KANK1: variants seen among roughly 807,000 people sequenced by gnomAD.
KANK1 encodes the protein KN motif and ankyrin repeat domains 1, also known as KN motif and ankyrin repeat domain-containing protein 1.
KANK1 carries 109 observed loss-of-function variants against 106.2 expected under a neutral mutation model. The ratio of observed to expected loss-of-function variants is 1.03; its 90% CI spans 0.88 to 1.20. KANK1 has a LOEUF of 1.20. KANK1 is among the 50% of genes most tolerant of loss of function. The pLI, the probability that KANK1 is intolerant of heterozygous loss-of-function variation, is 0.00. For missense variants in KANK1, 2,399 were observed against 1,710.7 expected (o/e 1.40, Z -7.10); for synonymous variants, 873 against 652.2 (o/e 1.34, Z -5.16).
intron 1 of KANK1, among the ~76,000 whole-genome samples, chr9:648,622 A>G (rs545777889): frequency 6.6e-6 from 1 of 152,338 alleles, no homozygotes; most frequent in East Asian, 1.9e-4. Flanking sequence ...GGGGAAGAGC[A>G]ACATGATAGT....
At chr9:512,442 T>TC (rs1308017208) in intron 1 of KANK1, among the ~76,000 whole-genome samples, 11 of 152,032 alleles carry the variant, frequency 7.2e-5, no homozygotes, top group African/African-American at 2.4e-4. Context: ...GTTCATACCT[T>TC]TAGTTGTTTG....
chr9:648,149 A>G (rs550824756), intron 1 of KANK1, among the ~76,000 whole-genome samples: 1 of 148,686 alleles, frequency 6.7e-6, no homozygotes, highest in Admixed American at 6.6e-5. Flanking sequence ...GACCACAGGC[A>G]CACACCACCA....
chr9:560,870 G>A (rs939904083), intron 1 of KANK1, among the ~76,000 whole-genome samples: 12 of 152,156 alleles, frequency 7.9e-5, no homozygotes, highest in Non-Finnish European at 1.6e-4. Context: ...AGAGTCGGGG[G>A]AAAGTTGCAT....
intron 1 of KANK1, among the ~76,000 whole-genome samples, chr9:521,222 C>G (rs935489574): frequency 3.3e-5 from 5 of 151,772 alleles, no homozygotes; most frequent in African/African-American, 1.2e-4. Flanking sequence ...TATTCACCAT[C>G]TACATGTTGA....
chr9:544,618 G>A lies in KANK1; in HGVS notation c.-84+39864G>A, dbSNP rs976507718. 5.9e-5 allele frequency among the ~76,000 whole-genome samples: 9 copies of A among 152,126 alleles called. No homozygotes were observed. The South Asian group carries it at 6.2e-4, about 11-fold the overall frequency. On this transcript the variant is annotated intron_variant, in intron 1 of 11. Coordinates refer to ENST00000382297, the MANE Select transcript of KANK1 (RefSeq NM_015158.5). ...AACCAGACAGATATGCAGAGTAAGC[G>A]CTCTGATAGGGGAAGTACGGGCTGT...
chr9:611,780 G>A (rs1219592381), intron 1 of KANK1, among the ~76,000 whole-genome samples: 1 of 152,102 alleles, frequency 6.6e-6, no homozygotes, highest in African/African-American at 2.4e-5. Flanking sequence ...GTGCAGCGGT[G>A]CAGTCTCAGC....
chr9:665,707 A>G (rs1480166493), intron 1 of KANK1, among the ~76,000 whole-genome samples: 1 of 152,162 alleles, frequency 6.6e-6, no homozygotes, highest in African/African-American at 2.4e-5. Flanking sequence ...TATTGTTGGT[A>G]TTTTGATAGG....
intron 2 of KANK1, among the ~76,000 whole-genome samples, chr9:679,529 C>T (rs1050423719): frequency 6.6e-6 from 1 of 152,120 alleles, no homozygotes; most frequent in Non-Finnish European, 1.5e-5. Context: ...ATTCTTGTGC[C>T]TCAGCCTCCC....
At chr9:580,686 C>G (rs1242232943) in intron 1 of KANK1, among the ~76,000 whole-genome samples, 1 of 152,268 alleles carries the variant, frequency 6.6e-6, no homozygotes, top group Non-Finnish European at 1.5e-5. Context: ...GCCCACTAGA[C>G]TCAGGAGTCC....
chr9:601,661 C>G (rs1461901429), intron 1 of KANK1, among the ~76,000 whole-genome samples: 1 of 151,764 alleles, frequency 6.6e-6, no homozygotes, highest in Non-Finnish European at 1.5e-5. Context: ...GGTTATAACC[C>G]AATATTATCA....
chr9:710,067 A>G lies in KANK1; in HGVS notation c.38-737A>G, dbSNP rs181016258. ...TTTTAGACTACAAAAGTGGGGAAAG[A>G]GGGGAGTGAGGGTTGAAAAATTACC... On this transcript the variant is annotated intron_variant, in intron 2 of 11. Coordinates refer to ENST00000382297, the MANE Select transcript of KANK1 (RefSeq NM_015158.5). 2.4e-4 allele frequency among the ~76,000 whole-genome samples: 37 copies of G among 152,296 alleles called. No homozygotes were observed. The East Asian group carries it at 4.4e-3, about 18-fold the overall frequency.
At chr9:580,377 GT>G in intron 1 of KANK1, among the ~76,000 whole-genome samples, 1 of 152,180 alleles carries the variant, frequency 6.6e-6, no homozygotes, top group Non-Finnish European at 1.5e-5. Context: ...CTTCCACACT[GT>G]GGGAGGGGAC....
At position 740,882 on chromosome 9, in the gene KANK1, G is replaced by T. The variant is rs780088270; in HGVS notation, c.3644G>T (p.Arg1215Leu). 6.2e-7 allele frequency: 1 copy of T among 1,614,156 alleles called. No individual in the cohort carries two copies. The highest frequency in any genetic ancestry group is 1.7e-5 in the Admixed American group (1 of 60,008). The stretch of plus-strand genomic sequence containing the variant: ...GCTGTGGAAGCAGAGAAGGACATGC[G>T]GATTGTGGAAGAACTCTTCGGCTGT... The part of the protein sequence containing the change: ...LAAVEAEKDM[R>L]IVEELFGCGD... Residue 1215 changes from arginine (R) to leucine (L), a missense_variant, in exon 9 of 12, where the codon CGG (arginine) becomes CTG (leucine). Arg to Leu is a moderately radical substitution (Grantham distance 102). Transcript: ENST00000382297.
chr9:684,719 T>G, intron 2 of KANK1: 1 of 322,338 alleles, frequency 3.1e-6, no homozygotes, highest in Non-Finnish European at 4.5e-6. Context: ...TAATTTCAGT[T>G]CATCTCCTTT....
chr9:735,842 A>G, intron 7 of KANK1: 1 of 333,888 alleles, frequency 3.0e-6, no homozygotes, highest in Non-Finnish European at 6.4e-6. Flanking sequence ...AAAAATACAA[A>G]AAGTTAGCCA....
At chr9:586,324 G>A (rs543179429) in intron 1 of KANK1, among the ~76,000 whole-genome samples, 3 of 152,346 alleles carry the variant, frequency 2.0e-5, no homozygotes, top group South Asian at 4.1e-4. Context: ...TACAGGAATA[G>A]GATGAAAGCA....
chr9:675,029 TA>T (rs1445066450), intron 1 of KANK1, among the ~76,000 whole-genome samples: 5 of 151,922 alleles, frequency 3.3e-5, no homozygotes, highest in Non-Finnish European at 5.9e-5. Flanking sequence ...TAATAATGAT[TA>T]TTATTACAAA....
At chr9:662,037 A>G (rs1012355272) in intron 1 of KANK1, among the ~76,000 whole-genome samples, 2 of 152,130 alleles carry the variant, frequency 1.3e-5, no homozygotes, top group African/African-American at 4.8e-5. Context: ...CCTTTGTCAG[A>G]TGGGTAGAAG....
At chr9:643,077 C>G (rs1335637758) in intron 1 of KANK1, among the ~76,000 whole-genome samples, 1 of 150,714 alleles carries the variant, frequency 6.6e-6, no homozygotes, top group Non-Finnish European at 1.5e-5. Flanking sequence ...GGTCATTTTT[C>G]AGATTCTGGT....
Sources: allele counts gnomAD v4.1 joint callset (sites outside exome capture counted in the v4.1 genomes callset), GRCh38; gene constraint gnomAD v4.1.1; transcripts MANE v1.5; gene names NCBI Gene and HGNC (gene_info 2026-07-23, HGNC 2026-07-21).